The following SEMA4F variants were observed in gnomAD, a reference collection of about 807,000 sequenced individuals.
SEMA4F encodes the protein ssemaphorin 4F.
A neutral mutation model predicts 78.4 loss-of-function variants in SEMA4F; 51 were observed. The observed-to-expected ratio is 0.65, with a 90% CI of 0.52 to 0.82. The LOEUF (loss-of-function observed/expected upper bound fraction) is 0.82, where lower values mean the gene tolerates loss of function less well. Among genes scored for constraint, SEMA4F ranks in the 40% least tolerant of loss-of-function variants. The pLI is 0.00. For missense variants in SEMA4F, 938 were observed against 1,014.4 expected, an observed-to-expected ratio of 0.92 and a Z score of 1.02; for synonymous variants, 418 against 408.7, an observed-to-expected ratio of 1.02 and a Z score of -0.27.
At position 74,675,557 on chromosome 2, in the gene SEMA4F, G is replaced by A. The variant is rs750930854; in HGVS notation, c.1405G>A (p.Gly469Arg). The A allele has an allele frequency of 5.0e-6, 8 of 1,614,012 alleles. No individual in the cohort carries two copies. The highest frequency in any genetic ancestry group is 2.2e-5 in the East Asian group (1 of 44,894). ...DGHLHRAVRI[G>R]AQLSVLEDLA... ...ACACCTCCACCGAGCAGTGCGGATCGGAGCTCAGCTCAGCGTTCTTGAAGA... is the reference window on the plus strand; with the variant it reads ...ACACCTCCACCGAGCAGTGCGGATCAGAGCTCAGCTCAGCGTTCTTGAAGA... The change falls in exon 11 of 14, where the codon GGA becomes AGA. Residue 469 changes from glycine (G) to arginine (R), a missense_variant. Gly to Arg is a moderately radical substitution (Grantham distance 125, BLOSUM62 -2). Transcript: ENST00000357877.
At position 74,679,499 on chromosome 2, in the gene SEMA4F, C is replaced by G. The variant is rs143430934; in HGVS notation, c.1703-100C>G. The G allele has an allele frequency of 1.8e-4, 280 of 1,518,168 alleles. No individual in the cohort carries two copies. In the East Asian group the frequency reaches 5.7e-3, roughly 31 times the overall value. 94.0% of individuals were successfully genotyped at this position (1,518,168 alleles called of 1,614,324 possible). A position where few individuals can be genotyped will look rare whatever the true frequency, so the allele number is the denominator to read the frequency against. On this transcript the variant is annotated intron_variant, in intron 13 of 13. Transcript: ENST00000357877. Reference sequence around the variant, plus strand: ...AGGAATCCCCTTTTTAGCTTAGTCTCCATAGCCCCTTTTCATGTCCGACAT... The same window carrying G: ...AGGAATCCCCTTTTTAGCTTAGTCTGCATAGCCCCTTTTCATGTCCGACAT...
chr2:74,688,350 G>C (rs559953073), downstream of SEMA4F, among the ~76,000 whole-genome samples: 2 of 152,062 alleles, frequency 1.3e-5, no homozygotes, highest in African/African-American at 4.8e-5. Flanking sequence ...ATTTCAATAC[G>C]TAACTTCTGT....
downstream of SEMA4F, among the ~76,000 whole-genome samples, chr2:74,688,012 T>C (rs1373488476): frequency 6.6e-6 from 1 of 152,212 alleles, no homozygotes; most frequent in African/African-American, 2.4e-5. Flanking sequence ...CTAGATATGA[T>C]GTGGGCATTG....
rs1684465611 is a variant in SEMA4F, at chr2:74,662,289, C to G, written c.457-443C>G. Among the ~76,000 whole-genome samples the G allele has an allele frequency of 2.6e-5, 4 of 152,296 alleles. No homozygotes were observed. The South Asian group carries it at 8.3e-4, about 32-fold the overall frequency. ...TCAGATGGTCCTTTATCAGCCTGCACTTTTCTTTGTCCTTTCTAAGGTTTC... is the reference window on the plus strand; with the variant it reads ...TCAGATGGTCCTTTATCAGCCTGCAGTTTTCTTTGTCCTTTCTAAGGTTTC... On this transcript the variant is annotated intron_variant, in intron 4 of 13. Transcript: ENST00000357877.
rs1247318992 is a variant in SEMA4F at position 74,681,169 on chromosome 2, G to C, written c.*960G>C. 1 of 152,598 alleles carries C rather than the reference G, an allele frequency of 6.6e-6. No individual in the cohort carries two copies. Among genetic ancestry groups the C allele is most frequent in the African/African-American group, 2.4e-5 (1 of 41,410 alleles). The allele number at this position is 152,598 out of a possible 1,614,324, so 9.5% of individuals were successfully genotyped here. On this transcript the variant is annotated 3_prime_UTR_variant, in exon 14 of 14. Coordinates refer to ENST00000357877, the MANE Select transcript of SEMA4F (RefSeq NM_004263.5). ...TAATGATTAGGGAACAACAGAAGGG[G>C]AACAGTCATAGGATATACGAGCAGT...
chr2:74,671,853 A>G (rs887768514), intron 5 of SEMA4F, among the ~76,000 whole-genome samples: 1 of 152,194 alleles, frequency 6.6e-6, no homozygotes, highest in Admixed American at 6.5e-5. Flanking sequence ...CTTGAGAGAC[A>G]TTGGTTTACT....
chr2:74,681,321 CT>C lies in SEMA4F; in HGVS notation c.*1113del, dbSNP rs1685603950. 6.6e-6 allele frequency: 1 copy of C among 152,554 alleles called. No individual in the cohort carries two copies. The highest frequency in any genetic ancestry group is 1.5e-5 in the Non-Finnish European group (1 of 68,042). 9.5% of individuals were successfully genotyped at this position (152,554 alleles called of 1,614,324 possible). ...CAAAATGTTGTTTGTACATGTGTGT[CT>C]GTATGTCTCTGTGGGGAGGTTTTAT... is the stretch of plus-strand genomic sequence containing the variant. On this transcript the variant is annotated 3_prime_UTR_variant, in exon 14 of 14. Transcript: ENST00000357877.
chr2:74,656,289 C>T (rs558083872), intron 1 of SEMA4F, among the ~76,000 whole-genome samples: 52 of 152,220 alleles, frequency 3.4e-4, no homozygotes, highest in African/African-American at 1.1e-3. Context: ...GGATTACAGG[C>T]GTGAGCAACC....
chr2:74,680,360 G>C lies in SEMA4F; in HGVS notation c.*151G>C, dbSNP rs1678463646. ...TTGGATTTTAGTATCTGTTCTCTCTGAGCCTGGATGGGCTTGGGGCCAGAC... is the reference window on the plus strand; with the variant it reads ...TTGGATTTTAGTATCTGTTCTCTCTCAGCCTGGATGGGCTTGGGGCCAGAC... On this transcript the variant is annotated 3_prime_UTR_variant, in exon 14 of 14. Transcript: ENST00000357877. The C allele has an allele frequency of 3.4e-6, 3 of 892,222 alleles. No individual in the cohort carries two copies. The highest frequency in any genetic ancestry group is 3.3e-5 in the African/African-American group (2 of 59,730). The allele number at this position is 892,222 out of a possible 1,614,324, so 55.3% of individuals were successfully genotyped here. A position where few individuals can be genotyped will look rare whatever the true frequency, so the allele number is the denominator to read the frequency against.
intron 5 of SEMA4F, among the ~76,000 whole-genome samples, chr2:74,669,899 C>T (rs753941041): frequency 6.0e-5 from 9 of 151,048 alleles, no homozygotes; most frequent in Non-Finnish European, 1.0e-4. Flanking sequence ...GTTTTTTTTG[C>T]ACTATAAAAG....
chr2:74,696,171 C>T, the SEMA4F span, among the ~76,000 whole-genome samples: 2 of 142,530 alleles, frequency 1.4e-5, no homozygotes, highest in African/African-American at 5.1e-5. Context: ...TACTGAAAAA[C>T]ATCTCTCCTG....
chr2:74,671,044 A>G (rs1410128720), intron 5 of SEMA4F, among the ~76,000 whole-genome samples: 2 of 151,972 alleles, frequency 1.3e-5, no homozygotes, highest in African/African-American at 4.9e-5. Context: ...AGATGGCATT[A>G]TCTCTATTCT....
intron 4 of SEMA4F, among the ~76,000 whole-genome samples, chr2:74,659,308 T>G (rs907789377): frequency 6.6e-6 from 1 of 152,236 alleles, no homozygotes; most frequent in Non-Finnish European, 1.5e-5. Context: ...CCATGGCTTA[T>G]AGACAGTGTG....
chr2:74,677,775 T>C (rs1685375170), intron 12 of SEMA4F, among the ~76,000 whole-genome samples: 1 of 152,240 alleles, frequency 6.6e-6, no homozygotes, highest in Non-Finnish European at 1.5e-5. Context: ...ACCCCATGGC[T>C]ACAAATTCTG....
chr2:74,674,680 A>G lies in SEMA4F; in HGVS notation c.1001+4A>G. ...ATGGCATCTTTTCTTCCCAGTGGTG[A>G]GGGGTCTTGGTGTGGAGGAGAGTTA... is the stretch of plus-strand genomic sequence containing the variant. On this transcript the variant is annotated splice_donor_region_variant and intron_variant, in intron 8 of 13. Transcript: ENST00000357877. 2 of 1,613,176 alleles carry G rather than the reference A, an allele frequency of 1.2e-6. No individual in the cohort carries two copies. Among genetic ancestry groups the G allele is most frequent in the Non-Finnish European group, 1.7e-6 (2 of 1,179,708 alleles).
chr2:74,699,605 C>T, the SEMA4F span, among the ~76,000 whole-genome samples: 7 of 152,070 alleles, frequency 4.6e-5, no homozygotes, highest in South Asian at 1.2e-3. Flanking sequence ...TTGAGGTCAC[C>T]TATGGAAACT....
chr2:74,672,613 G>T (rs1034842402), intron 5 of SEMA4F, among the ~76,000 whole-genome samples: 4 of 152,094 alleles, frequency 2.6e-5, no homozygotes, highest in African/African-American at 9.7e-5. Context: ...AGAGCCCTTG[G>T]TGGTGGTACT....
intron 4 of SEMA4F, among the ~76,000 whole-genome samples, chr2:74,659,259 CTGCCA>C (rs930508020): frequency 1.3e-5 from 2 of 152,184 alleles, no homozygotes; most frequent in African/African-American, 4.8e-5. Flanking sequence ...CTTTTCCATT[CTGCCA>C]GGCTTGGGGA....
the SEMA4F span, among the ~76,000 whole-genome samples, chr2:74,702,977 A>G: frequency 6.6e-6 from 1 of 152,200 alleles, no homozygotes; most frequent in Non-Finnish European, 1.5e-5. Flanking sequence ...ATCTTTCTGA[A>G]TTAATCCTTT....
Sources: allele counts gnomAD v4.1 joint callset (sites outside exome capture counted in the v4.1 genomes callset), GRCh38; gene constraint gnomAD v4.1.1; transcripts MANE v1.5; gene names NCBI Gene and HGNC (gene_info 2026-07-23, HGNC 2026-07-21).